Variants in GRIA4 observed in about 807,000 individuals in gnomAD.
GRIA4 encodes the protein glutamate ionotropic receptor AMPA type subunit 4.
Under a neutral mutation model 104.0 loss-of-function variants are expected in GRIA4, and 34 were observed. The ratio of observed to expected loss-of-function variants is 0.33; its 90% confidence interval spans 0.25 to 0.44. GRIA4 has a LOEUF of 0.44. Among genes scored for constraint, GRIA4 ranks in the 20% least tolerant of loss-of-function variants. GRIA4 has a pLI of 1.00. For synonymous variants in GRIA4, 386 were observed against 381.9 expected, an observed-to-expected ratio of 1.01 and a Z score of -0.13; for missense variants, 750 against 1,096.5, an observed-to-expected ratio of 0.68 and a Z score of 4.46.
At chr11:105,687,101 G>A (rs774199534) in intron 3 of GRIA4, among the ~76,000 whole-genome samples, 4 of 151,998 alleles carry the variant, frequency 2.6e-5, no homozygotes, top group Non-Finnish European at 4.4e-5. Context: ...TGTTTTTGTA[G>A]CAATTGCTTT....
intron 3 of GRIA4, among the ~76,000 whole-genome samples, chr11:105,746,429 G>A (rs1939662245): frequency 6.7e-6 from 1 of 149,358 alleles, no homozygotes; most frequent in African/African-American, 2.5e-5. Context: ...TTTTTTTTTA[G>A]AAGTGCACAG....
rs565908901 is a variant in GRIA4, at chr11:105,974,475, A to G, written c.2544+31A>G. Reference sequence around the variant, plus strand: ...AAAGAGTGCACAGACTTTTAACCCAACTTCCTCGCAGAATACCCAGAATTT... The same window carrying G: ...AAAGAGTGCACAGACTTTTAACCCAGCTTCCTCGCAGAATACCCAGAATTT... On this transcript the variant is annotated intron_variant, in intron 16 of 16. Coordinates refer to ENST00000282499, the MANE Select transcript of GRIA4 (RefSeq NM_000829.4). 58 of 1,613,840 alleles carry G rather than the reference A, an allele frequency of 3.6e-5. 1 individual carries two copies. The South Asian group carries it at 6.4e-4, about 18-fold the overall frequency.
At chr11:105,668,155 C>A (rs959898270) in intron 3 of GRIA4, among the ~76,000 whole-genome samples, 13 of 148,824 alleles carry the variant, frequency 8.7e-5, no homozygotes, top group African/African-American at 3.2e-4. Context: ...TTGGAAATTG[C>A]AGGATGTCCC....
chr11:105,713,439 C>T (rs920804783), intron 3 of GRIA4, among the ~76,000 whole-genome samples: 1 of 151,992 alleles, frequency 6.6e-6, no homozygotes, highest in Non-Finnish European at 1.5e-5. Flanking sequence ...TGGACACATA[C>T]TCAAAGGAAA....
chr11:105,864,113 A>G (rs536275945), intron 5 of GRIA4, among the ~76,000 whole-genome samples: 1 of 152,360 alleles, frequency 6.6e-6, no homozygotes, highest in Non-Finnish European at 1.5e-5. Context: ...CCTCTCAGGT[A>G]TAAATCTCAT....
intron 1 of GRIA4, 125 bp from the exon 2 acceptor site, chr11:105,610,783 G>T: frequency 2.0e-6 from 1 of 498,044 alleles, no homozygotes; most frequent in Non-Finnish European, 3.6e-6. Context: ...AAAATCTGGC[G>T]GCTCGCGATG....
chr11:105,868,511 T>C (rs1056835189), intron 5 of GRIA4, among the ~76,000 whole-genome samples: 2 of 152,026 alleles, frequency 1.3e-5, no homozygotes, highest in Non-Finnish European at 2.9e-5. Context: ...GTCGAATAAA[T>C]TGGAAGTCTA....
chr11:105,751,289 C>G lies in GRIA4; in HGVS notation c.248-1692C>G, dbSNP rs537452126. 5.3e-5 allele frequency among the ~76,000 whole-genome samples: 8 copies of G among 152,248 alleles called. No homozygotes were observed. The South Asian group carries it at 1.7e-3, about 32-fold the overall frequency. ...ATGAAAATATGAAGGAGCTGAGTAACTCCAGGTTCTAATGGTGTTAAATGT... is the reference window on the plus strand; with the variant it reads ...ATGAAAATATGAAGGAGCTGAGTAAGTCCAGGTTCTAATGGTGTTAAATGT... On this transcript the variant is annotated intron_variant, in intron 3 of 16. Transcript: ENST00000282499.
chr11:105,654,076 G>A (rs1385911802), intron 3 of GRIA4, among the ~76,000 whole-genome samples: 3 of 147,984 alleles, frequency 2.0e-5, no homozygotes, highest in Non-Finnish European at 4.5e-5. Flanking sequence ...TGACAACATG[G>A]ATGAACCTGG....
chr11:105,686,339 C>T (rs1952881286), intron 3 of GRIA4, among the ~76,000 whole-genome samples: 1 of 152,176 alleles, frequency 6.6e-6, no homozygotes, highest in Non-Finnish European at 1.5e-5. Flanking sequence ...GTTTAATGTT[C>T]CTGCGTTAAT....
rs1859216055 is a variant in GRIA4 at position 105,980,508 on chromosome 11, A to T, written c.*769A>T. 1 of 152,600 alleles carries T rather than the reference A, an allele frequency of 6.6e-6. No individual in the cohort carries two copies. The highest frequency in any genetic ancestry group is 1.5e-5 in the Non-Finnish European group (1 of 68,040). 9.5% of individuals were successfully genotyped at this position (152,600 alleles called of 1,614,324 possible). A position where few individuals can be genotyped will look rare whatever the true frequency, so the allele number is the denominator to read the frequency against. ...AACCTTCACTATGTCACATGAGTCG[A>T]TTCACCGATTGCATTTGTCTCACAA... On this transcript the variant is annotated 3_prime_UTR_variant, in exon 17 of 17. Coordinates refer to ENST00000282499, the MANE Select transcript of GRIA4 (RefSeq NM_000829.4).
At chr11:105,697,400 C>A (rs1038942306) in intron 3 of GRIA4, among the ~76,000 whole-genome samples, 2 of 152,066 alleles carry the variant, frequency 1.3e-5, no homozygotes, top group African/African-American at 4.8e-5. Context: ...AGGTTAAAAA[C>A]CCCTAAGCTA....
intron 4 of GRIA4, among the ~76,000 whole-genome samples, chr11:105,809,598 C>G (rs1429983304): frequency 6.6e-6 from 1 of 152,018 alleles, no homozygotes; most frequent in Admixed American, 6.6e-5. Context: ...TGAGTGAGTT[C>G]TCACAATATC....
chr11:105,723,669 T>G (rs1937991034), intron 3 of GRIA4, among the ~76,000 whole-genome samples: 1 of 152,114 alleles, frequency 6.6e-6, no homozygotes, highest in African/African-American at 2.4e-5. Context: ...GAGAGAGAAC[T>G]AATCATTGCT....
At chr11:105,888,721 C>A (rs1946364488) in intron 6 of GRIA4, among the ~76,000 whole-genome samples, 6 of 151,984 alleles carry the variant, frequency 3.9e-5, no homozygotes. Context: ...GACTTTGAGA[C>A]AGGAATTTTC....
At chr11:105,944,800 C>G (rs1188389009) in intron 14 of GRIA4, among the ~76,000 whole-genome samples, 2 of 151,836 alleles carry the variant, frequency 1.3e-5, no homozygotes, top group African/African-American at 2.4e-5. Flanking sequence ...ACTATGTTGC[C>G]TTGTTTCTCT....
At chr11:105,916,029 C>T (rs1947393289) in intron 10 of GRIA4, among the ~76,000 whole-genome samples, 1 of 151,934 alleles carries the variant, frequency 6.6e-6, no homozygotes, top group African/African-American at 2.4e-5. Context: ...ACTAAAAATA[C>T]AAGAATTAAC....
chr11:105,916,709 A>T (rs1177723784), intron 10 of GRIA4, among the ~76,000 whole-genome samples: 1 of 152,202 alleles, frequency 6.6e-6, no homozygotes, highest in Non-Finnish European at 1.5e-5. Context: ...GCACACACAA[A>T]CTAATACAGT....
rs536314703 is a variant in GRIA4, at chr11:105,820,989, G to A, written c.488-41035G>A. Among the ~76,000 whole-genome samples, 42 of 152,152 alleles carry A rather than the reference G, an allele frequency of 2.8e-4. 1 individual carries two copies. The South Asian group carries it at 8.7e-3, about 32-fold the overall frequency. The stretch of plus-strand genomic sequence containing the variant: ...GAGGCCTGAACGTTTATTAGTTTTT[G>A]TTATTGTTTTTGTGTTTAAATTGGT... On this transcript the variant is annotated intron_variant, in intron 4 of 16. Coordinates refer to ENST00000282499, the MANE Select transcript of GRIA4 (RefSeq NM_000829.4).
Sources: allele counts gnomAD v4.1 joint callset (sites outside exome capture counted in the v4.1 genomes callset), GRCh38; gene constraint gnomAD v4.1.1; transcripts MANE v1.5; gene names NCBI Gene and HGNC (gene_info 2026-07-23, HGNC 2026-07-21).